Variants in TRPM4 observed in about 807,000 individuals in gnomAD.
TRPM4 encodes calcium-activated non-selective cation channel 1.
Under a neutral mutation model 135.6 loss-of-function variants are expected in TRPM4, and 124 were observed. The observed-to-expected ratio is 0.91, with a 90% CI of 0.79 to 1.06. The LOEUF (loss-of-function observed/expected upper bound fraction) is 1.06, where lower values mean the gene tolerates loss of function less well. TRPM4 is among the 50% of genes least tolerant of loss of function. The probability of loss-of-function intolerance (pLI) is 0.00; values close to 1 mark genes in which losing one functional copy is unlikely to be tolerated. For missense variants in TRPM4, 1,658 were observed against 1,671.4 expected (o/e 0.99, Z 0.14); for synonymous variants, 745 against 705.6 (o/e 1.06, Z -0.88).
At position 49,210,848 on chromosome 19, in the gene TRPM4, AGCGG is replaced by A. The variant is rs1303217518; in HGVS notation, c.3461+8_3461+11del. 1 of 1,608,020 alleles carries A rather than the reference AGCGG, an allele frequency of 6.2e-7. No individual in the cohort carries two copies. The highest frequency in any genetic ancestry group is 1.3e-5 in the African/African-American group (1 of 74,690). ...CTGAAGCGCACGTCCCAGAAGTGAG[AGCGG>A]GGCCTGGTCGGGGATGGGGCTTCTG... On this transcript the variant is annotated splice_region_variant and intron_variant, in intron 22 of 24. Coordinates refer to ENST00000252826, the MANE Select transcript of TRPM4 (RefSeq NM_017636.4). This position sits in a 1 kb window ranked among gnomAD's most constrained non-coding sequence, Gnocchi z 4.1.
intron 20 of TRPM4, among the ~76,000 whole-genome samples, chr19:49,204,654 C>T (rs1266316269): frequency 6.6e-6 from 1 of 152,078 alleles, no homozygotes; most frequent in Admixed American, 6.5e-5. Flanking sequence ...CTCAGCCTCC[C>T]AAGTAGCTGG....
At chr19:49,163,186 T>TTTA (rs869237360) in intron 2 of TRPM4, among the ~76,000 whole-genome samples, 3 of 114,884 alleles carry the variant, frequency 2.6e-5, no homozygotes, top group African/African-American at 2.7e-5. Context: ...GAGCTTTTAT[T>TTTA]TTATTATTAT....
chr19:49,204,304 T>C (rs991309999), intron 20 of TRPM4, among the ~76,000 whole-genome samples: 4 of 152,216 alleles, frequency 2.6e-5, no homozygotes, highest in Non-Finnish European at 5.9e-5. Context: ...ATGTGGTAAT[T>C]CTATGTATAG....
intron 2 of TRPM4, chr19:49,158,996 G>A (rs918973502): frequency 8.6e-5 from 13 of 151,484 alleles, no homozygotes; most frequent in African/African-American, 2.9e-4. Context: ...CTTCAGTGAC[G>A]GCCTCTCAAG....
In TRPM4 at chr19:49,196,862, G is replaced by T; in HGVS notation, c.2633G>T (p.Gly878Val). Residue 878 changes from glycine to valine, a missense_variant, in exon 17 of 25, where the codon GGC becomes GTC. Physicochemically the swap from Gly to Val is moderately radical, Grantham distance 109. Transcript: ENST00000252826. ...DLVALTCFLLGVGCRLTPGLY... is the reference protein window; with the variant it reads ...DLVALTCFLLVVGCRLTPGLY... ...GTGGCTCTCACCTGCTTCCTCCTGG[G>T]CGTGGGCTGCCGGTGAGTGCCCCGG... The T allele has an allele frequency of 6.3e-7, 1 of 1,582,464 alleles. No homozygotes were observed. Among genetic ancestry groups the T allele is most frequent in the Admixed American group, 1.7e-5 (1 of 58,106 alleles).
intron 20 of TRPM4, among the ~76,000 whole-genome samples, chr19:49,206,046 C>T (rs998645727): frequency 6.6e-5 from 10 of 152,228 alleles, no homozygotes; most frequent in Non-Finnish European, 1.2e-4. Context: ...CTGCAACATC[C>T]GCATCCTGGA....
chr19:49,165,864 G>A (rs79072527), intron 2 of TRPM4, among the ~76,000 whole-genome samples, 177 bp from the exon 3 acceptor site: 1 of 152,140 alleles, frequency 6.6e-6, no homozygotes, highest in Admixed American at 6.5e-5. Context: ...GACCGTCCTC[G>A]GCTCCAGTCT....
At chr19:49,165,547 T>C (rs1967137446) in intron 2 of TRPM4, among the ~76,000 whole-genome samples, 1 of 152,118 alleles carries the variant, frequency 6.6e-6, no homozygotes, top group Non-Finnish European at 1.5e-5. Context: ...TCCTCATAGC[T>C]CCGTGGAGTA....
chr19:49,160,350 C>A (rs573691313), intron 2 of TRPM4, among the ~76,000 whole-genome samples: 22 of 152,034 alleles, frequency 1.4e-4, no homozygotes, highest in African/African-American at 4.6e-4. Context: ...ATTAACTGGG[C>A]GTATTGGCGC....
rs145878044 is a variant in TRPM4, at chr19:49,168,581, G to A, written c.641G>A (p.Arg214His). The A allele has an allele frequency of 5.9e-5, 96 of 1,613,674 alleles. No homozygotes were observed. Among genetic ancestry groups the A allele is most frequent in the Non-Finnish European group, 6.9e-5 (82 of 1,180,010 alleles). ...KGSFPARYRWRGDPEDGVQFP... is the reference protein window; with the variant it reads ...KGSFPARYRWHGDPEDGVQFP... ...TCGTTCCCTGCGAGGTACCGGTGGC[G>A]CGGTGACCCGGAGGACGGGGTCCAG... The change falls in exon 6 of 25, where the codon CGC (arginine) becomes CAC (histidine). Residue 214 changes from arginine (R) to histidine (H), a missense_variant. By Grantham distance (29) the Arg-to-His change is conservative. This residue lies in a region of TRPM4 where 1,412 missense variants were observed against 1,408.7 expected (regional missense o/e 1.00). Coordinates refer to ENST00000252826, the MANE Select transcript of TRPM4 (RefSeq NM_017636.4).
chr19:49,184,040 C>T (rs1568473515), intron 12 of TRPM4, among the ~76,000 whole-genome samples: 3 of 152,128 alleles, frequency 2.0e-5, no homozygotes, highest in Admixed American at 6.5e-5. Flanking sequence ...GGATTACAGG[C>T]GTGAGCCACT....
intron 9 of TRPM4, among the ~76,000 whole-genome samples, chr19:49,177,127 T>C (rs932861714): frequency 1.4e-4 from 21 of 152,082 alleles, no homozygotes; most frequent in African/African-American, 5.1e-4. Context: ...TGATTCACTC[T>C]GCGGAAGTTA....
chr19:49,176,330 T>C (rs1268583947), intron 9 of TRPM4, among the ~76,000 whole-genome samples: 3 of 152,124 alleles, frequency 2.0e-5, no homozygotes, highest in African/African-American at 7.2e-5. Flanking sequence ...TGGGCTCAAG[T>C]GATTCTCTCG....
chr19:49,177,330 CTTTTTTT>C (rs36041791), intron 9 of TRPM4, among the ~76,000 whole-genome samples: 10 of 117,286 alleles, frequency 8.5e-5, no homozygotes, highest in African/African-American at 1.9e-4. Context: ...ATGAATGCGT[CTTTTTTT>C]TTTTTTTTTT....
chr19:49,199,349 C>G (rs1424547494), intron 17 of TRPM4, among the ~76,000 whole-genome samples: 1 of 152,148 alleles, frequency 6.6e-6, no homozygotes, highest in African/African-American at 2.4e-5. Context: ...ACCTCCGCCT[C>G]CCGGGTTCAC....
chr19:49,205,990 C>T (rs912036264), intron 20 of TRPM4, among the ~76,000 whole-genome samples: 8 of 152,128 alleles, frequency 5.3e-5, no homozygotes, highest in African/African-American at 1.9e-4. Context: ...GACGGAGTCT[C>T]GCTCTTGTCA....
At chr19:49,191,618 G>C (rs1018834059) in intron 16 of TRPM4, among the ~76,000 whole-genome samples, 2 of 152,054 alleles carry the variant, frequency 1.3e-5, no homozygotes, top group African/African-American at 2.4e-5. Context: ...TCCTGCCTCA[G>C]CCTCCCGAAT....
At chr19:49,188,534 A>C in intron 12 of TRPM4, 107 bp from the exon 13 acceptor site, 1 of 1,496,426 alleles carries the variant, frequency 6.7e-7, no homozygotes, top group South Asian at 1.1e-5. Flanking sequence ...GCCTCTGATG[A>C]CCCCAGTTAG....
Position 49,211,184 on chromosome 19 carries a change from C to A in TRPM4, c.3555C>A (p.Val1185=). 1 of 1,604,918 alleles carries A rather than the reference C, an allele frequency of 6.2e-7. No individual in the cohort carries two copies. The highest frequency in any genetic ancestry group is 8.5e-7 in the Non-Finnish European group (1 of 1,176,426). Residue 1185 remains valine (V), a synonymous_variant, in exon 24 of 25, where the codon GTC becomes GTA. Transcript: ENST00000252826. This position sits in a 1 kb window ranked among gnomAD's most constrained non-coding sequence, Gnocchi z 4.8. ...LEREVQQCSR[V]LGWVAEALSR... ...CGCAGGTCCAGCAGTGTAGCCGCGTCCTGGGGTGGGTGGCCGAGGCCCTGA... is the reference window on the plus strand; with the variant it reads ...CGCAGGTCCAGCAGTGTAGCCGCGTACTGGGGTGGGTGGCCGAGGCCCTGA...
Sources: allele counts gnomAD v4.1 joint callset (sites outside exome capture counted in the v4.1 genomes callset), GRCh38; gene constraint gnomAD v4.1.1; regional missense constraint gnomAD v4.1.1; non-coding constraint Gnocchi (gnomAD v3.1); transcripts MANE v1.5; gene names NCBI Gene and HGNC (gene_info 2026-07-23, HGNC 2026-07-21).